Variants in SMYD3 observed in about 807,000 individuals in gnomAD.
SMYD3 encodes histone-lysine N-methyltransferase SMYD3.
SMYD3 carries 36 observed loss-of-function variants against 57.7 expected under a neutral mutation model. The ratio of observed to expected loss-of-function variants is 0.62; its 90% CI spans 0.48 to 0.82. SMYD3 has a LOEUF of 0.82. SMYD3 is among the 40% of genes least tolerant of loss of function. The pLI is 0.00. For synonymous variants in SMYD3, 211 were observed against 195.0 expected (o/e 1.08, Z -0.68); for missense variants, 515 against 538.8 (o/e 0.96, Z 0.44).
intron 11 of SMYD3, among the ~76,000 whole-genome samples, chr1:245,751,748 T>C (rs1164343446): frequency 6.6e-6 from 1 of 152,176 alleles, no homozygotes; most frequent in Non-Finnish European, 1.5e-5. Flanking sequence ...ACACTCCAGC[T>C]GCAAAGCCCA....
At chr1:245,774,478 T>A (rs1442892502) in intron 10 of SMYD3, among the ~76,000 whole-genome samples, 1 of 152,174 alleles carries the variant, frequency 6.6e-6, no homozygotes, top group East Asian at 1.9e-4. Context: ...CCAAAAGACA[T>A]CTTTCAAGAA....
At chr1:246,151,725 C>T (rs1017205781) in intron 5 of SMYD3, among the ~76,000 whole-genome samples, 5 of 152,148 alleles carry the variant, frequency 3.3e-5, no homozygotes, top group African/African-American at 1.2e-4. Flanking sequence ...CCCGTTTCAA[C>T]CCCAGAAGTA....
At chr1:246,349,993 C>T (rs1251547584) in intron 2 of SMYD3, among the ~76,000 whole-genome samples, 2 of 152,168 alleles carry the variant, frequency 1.3e-5, no homozygotes, top group Non-Finnish European at 1.5e-5. Context: ...CGCAGTGGAT[C>T]AAGACACAAA....
At chr1:246,385,614 A>G (rs1480437416) in intron 1 of SMYD3, among the ~76,000 whole-genome samples, 3 of 152,220 alleles carry the variant, frequency 2.0e-5, no homozygotes, top group Non-Finnish European at 2.9e-5. Flanking sequence ...GAGTGAAAGA[A>G]TTCAGTAAAG....
chr1:246,504,363 C>G (rs2103080788), intron 1 of SMYD3, among the ~76,000 whole-genome samples: 1 of 152,320 alleles, frequency 6.6e-6, no homozygotes, highest in Admixed American at 6.5e-5. Flanking sequence ...CAGGTATTGT[C>G]TGTACTGCCT....
chr1:245,817,647 G>GA (rs1192184919), intron 10 of SMYD3, among the ~76,000 whole-genome samples: 2 of 151,496 alleles, frequency 1.3e-5, no homozygotes, highest in Admixed American at 6.6e-5. Context: ...TGAAAACTTT[G>GA]AAAAAAATTT....
intron 2 of SMYD3, among the ~76,000 whole-genome samples, chr1:246,346,343 C>T (rs1488770069): frequency 6.6e-6 from 1 of 152,074 alleles, no homozygotes; most frequent in Non-Finnish European, 1.5e-5. Context: ...TACATCTTGC[C>T]ATCACACTAC....
At chr1:246,004,632 C>G (rs1443644262) in intron 5 of SMYD3, among the ~76,000 whole-genome samples, 1 of 152,196 alleles carries the variant, frequency 6.6e-6, no homozygotes, top group East Asian at 1.9e-4. Context: ...ACAAAATAAC[C>G]TTTCCAGGCT....
chr1:246,000,878 T>C (rs1295105345), intron 5 of SMYD3, among the ~76,000 whole-genome samples: 1 of 152,194 alleles, frequency 6.6e-6, no homozygotes, highest in Non-Finnish European at 1.5e-5. Flanking sequence ...TTATGACATA[T>C]GGAGTGTTTG....
At chr1:245,951,657 T>C (rs1289085779) in intron 5 of SMYD3, among the ~76,000 whole-genome samples, 1 of 151,204 alleles carries the variant, frequency 6.6e-6, no homozygotes, top group East Asian at 2.0e-4. Flanking sequence ...CCAGGAGAAC[T>C]CTCCACTTTT....
At chr1:246,344,915 T>C (rs2065687680) in intron 2 of SMYD3, among the ~76,000 whole-genome samples, 1 of 152,228 alleles carries the variant, frequency 6.6e-6, no homozygotes. Context: ...TACTGAATTA[T>C]AAGTATTCTT....
intron 10 of SMYD3, among the ~76,000 whole-genome samples, chr1:245,806,305 A>G (rs1262799016): frequency 3.3e-5 from 5 of 152,234 alleles, no homozygotes; most frequent in Non-Finnish European, 7.3e-5. Flanking sequence ...GTAACAGCTT[A>G]TATTTGTTGA....
At chr1:246,369,202 T>C (rs960212838) in intron 1 of SMYD3, among the ~76,000 whole-genome samples, 3 of 152,226 alleles carry the variant, frequency 2.0e-5, no homozygotes, top group African/African-American at 7.2e-5. Context: ...ATCACAGTTT[T>C]ACTATTATTT....
At chr1:246,387,739 T>A (rs2066509213) in intron 1 of SMYD3, among the ~76,000 whole-genome samples, 1 of 152,236 alleles carries the variant, frequency 6.6e-6, no homozygotes, top group South Asian at 2.1e-4. Context: ...AGTCAGTAAT[T>A]TGTTACTATA....
Position 245,856,680 on chromosome 1 carries a change from T to C in SMYD3, c.1076+1816A>G, listed in dbSNP as rs1333855378. Among the ~76,000 whole-genome samples the C allele has an allele frequency of 2.0e-5, 3 of 152,160 alleles. No individual in the cohort carries two copies. The East Asian group carries it at 5.8e-4, about 29-fold the overall frequency. On this transcript the variant is annotated intron_variant, in intron 10 of 11. Coordinates refer to ENST00000490107, the MANE Select transcript of SMYD3 (RefSeq NM_001167740.2). ...AACAGACACCCGTGTAGGTGTGTGGTCTTCTTTATGGATGTGGTGGACCCA... is the reference window on the plus strand; with the variant it reads ...AACAGACACCCGTGTAGGTGTGTGGCCTTCTTTATGGATGTGGTGGACCCA...
chr1:246,497,458 T>C (rs772711089), intron 1 of SMYD3, among the ~76,000 whole-genome samples: 2 of 152,188 alleles, frequency 1.3e-5, no homozygotes, highest in African/African-American at 4.8e-5. Context: ...AAGTTGCCTT[T>C]CTGAAAAATA....
intron 4 of SMYD3, among the ~76,000 whole-genome samples, chr1:246,328,310 T>C (rs540331901): frequency 1.3e-5 from 2 of 152,286 alleles, no homozygotes; most frequent in East Asian, 1.9e-4. Context: ...TTAAATATCA[T>C]TTTCAATCAT....
chr1:245,752,268 C>A (rs1209911032), intron 11 of SMYD3, among the ~76,000 whole-genome samples: 1 of 152,192 alleles, frequency 6.6e-6, no homozygotes, highest in East Asian at 1.9e-4. Flanking sequence ...GGACGTAACC[C>A]TCCGTCCTGA....
intron 1 of SMYD3, among the ~76,000 whole-genome samples, chr1:246,420,555 C>T (rs753166374): frequency 6.6e-6 from 1 of 152,164 alleles, no homozygotes; most frequent in Non-Finnish European, 1.5e-5. Context: ...TCCAAGAATT[C>T]ATGACCTTAT....
Sources: gnomAD v4.1 joint callset for allele counts (sites outside exome capture counted in the v4.1 genomes callset) on GRCh38, gnomAD v4.1.1 for gene constraint, MANE v1.5 for transcripts, NCBI Gene and HGNC (gene_info 2026-07-23, HGNC 2026-07-21) for gene names.